The following TLE3 variants were observed in gnomAD, a reference collection of about 807,000 sequenced individuals.
The protein encoded by TLE3 is transducin-like enhancer protein 3.
TLE3 carries 14 observed loss-of-function variants against 93.0 expected under a neutral mutation model. The ratio of observed to expected loss-of-function variants is 0.15; its 90% confidence interval spans 0.10 to 0.24. TLE3 has a LOEUF of 0.24. Among genes scored for constraint, TLE3 ranks in the 10% least tolerant of loss-of-function variants. The pLI is 1.00. For missense variants in TLE3, 693 were observed against 1,046.6 expected (o/e 0.66, Z 4.66); for synonymous variants, 451 against 425.0 (o/e 1.06, Z -0.75).
chr15:70,062,495 C>G (rs561294270), intron 8 of TLE3, among the ~76,000 whole-genome samples: 1 of 152,188 alleles, frequency 6.6e-6, no homozygotes, highest in Non-Finnish European at 1.5e-5. Flanking sequence ...TCGCCGCTAC[C>G]GGAGAGTCAT....
At position 70,049,865 on chromosome 15, in the gene TLE3, G is replaced by C. The variant is rs527888346; in HGVS notation, c.*232C>G. ...TTGTAGCAACTGCCAGCATTGTTCA[G>C]GGGGAGGAGGAGGAGCAGAACCCTT... On this transcript the variant is annotated 3_prime_UTR_variant, in exon 20 of 20. Coordinates refer to ENST00000451782, the MANE Select transcript of TLE3 (RefSeq NM_001105192.3). The C allele has an allele frequency of 1.1e-3, 525 of 476,278 alleles. 3 individuals are homozygous for C. The highest frequency in any genetic ancestry group is 1.2e-3 in the Non-Finnish European group (314 of 261,208). The allele number at this position is 476,278 out of a possible 1,614,324, so 29.5% of individuals were successfully genotyped here.
At chr15:70,060,297 C>T (rs1044069116) in intron 9 of TLE3, among the ~76,000 whole-genome samples, 1 of 152,140 alleles carries the variant, frequency 6.6e-6, no homozygotes, top group Admixed American at 6.5e-5. Context: ...GAGGCTAGGA[C>T]GACCTCCCCA....
chr15:70,061,108 G>A (rs2056445024), intron 8 of TLE3, among the ~76,000 whole-genome samples: 1 of 152,148 alleles, frequency 6.6e-6, no homozygotes, highest in African/African-American at 2.4e-5. Context: ...TTCATTTGCT[G>A]AGCCCGACAG....
intron 8 of TLE3, 104 bp downstream of exon 8, chr15:70,064,350 G>T: frequency 7.1e-7 from 1 of 1,414,758 alleles, no homozygotes; most frequent in East Asian, 2.4e-5. Flanking sequence ...AGCCAGCTTT[G>T]GATACCGACT....
At chr15:70,087,901 G>A (rs962757468) in intron 4 of TLE3, among the ~76,000 whole-genome samples, 2 of 152,176 alleles carry the variant, frequency 1.3e-5, no homozygotes, top group African/African-American at 2.4e-5. Context: ...TGGACTAGCC[G>A]GGCCCCCTGG....
chr15:70,067,105 T>C (rs145963897), intron 6 of TLE3, among the ~76,000 whole-genome samples: 1 of 152,270 alleles, frequency 6.6e-6, no homozygotes, highest in African/African-American at 2.4e-5. Context: ...CAAGTCAGTA[T>C]TATCAACAAC....
rs2058549541 is a variant in TLE3 at position 70,096,152 on chromosome 15, C to G, written c.125+9G>C. 2 of 1,549,212 alleles carry G rather than the reference C, an allele frequency of 1.3e-6. No individual in the cohort carries two copies. Among genetic ancestry groups the G allele is most frequent in the South Asian group, 2.4e-5 (2 of 84,116 alleles). On this transcript the variant is annotated intron_variant, in intron 2 of 19. Coordinates refer to ENST00000451782, the MANE Select transcript of TLE3 (RefSeq NM_001105192.3). ...CCGCCAGCCCCGGGGCGGCCCCCAC[C>G]GGCCTTACCTGTGATACTGAGCTTG...
In TLE3 at chr15:70,053,212, T is replaced by C. The variant is rs1387181365; in HGVS notation, c.1974+15A>G. The C allele has an allele frequency of 1.9e-6, 3 of 1,603,798 alleles. No homozygotes were observed. The highest frequency in any genetic ancestry group is 2.6e-6 in the Non-Finnish European group (3 of 1,175,312). ...ACACTGCTCTTTGGGAAGGGAGGAG[T>C]CTTGGGCCGCACACCTGGGAAGTGA... On this transcript the variant is annotated intron_variant, in intron 17 of 19. Transcript: ENST00000451782.
intron 4 of TLE3, among the ~76,000 whole-genome samples, 197 bp downstream of exon 4, chr15:70,094,335 A>G (rs594848): frequency 7.2e-5 from 11 of 151,850 alleles, no homozygotes; most frequent in African/African-American, 2.7e-4. Flanking sequence ...CTCAAATGCT[A>G]AAAGCTCAAC....
In TLE3 at chr15:70,049,027, T is replaced by A. The variant is rs976352607; in HGVS notation, c.*1070A>T. On this transcript the variant is annotated 3_prime_UTR_variant, in exon 20 of 20. Transcript: ENST00000451782. ...TAAAAAAAAAAAAAAAGCACCCACA[T>A]CAGTTGCTATTTTTCTCTGGTAGCT... The A allele has an allele frequency of 6.6e-6, 1 of 150,784 alleles. No homozygotes were observed. The highest frequency in any genetic ancestry group is 2.4e-5 in the African/African-American group (1 of 41,056). The allele number at this position is 150,784 out of a possible 1,614,324, so 9.3% of individuals were successfully genotyped here. A position where few individuals can be genotyped will look rare whatever the true frequency, so the allele number is the denominator to read the frequency against.
At chr15:70,084,356 A>T (rs2057941793) in intron 4 of TLE3, among the ~76,000 whole-genome samples, 1 of 152,390 alleles carries the variant, frequency 6.6e-6, no homozygotes, top group African/African-American at 2.4e-5. Context: ...AAATGCTGTT[A>T]AACATCCTAA....
In TLE3 at chr15:70,051,487, G is replaced by A. The variant is rs555684786; in HGVS notation, c.2126-20C>T. On this transcript the variant is annotated intron_variant, in intron 18 of 19. Transcript: ENST00000451782. ...ACTTGCCTGCAGGTGGGAGGCAAAGGCATGATCAGGTTGTAGCTCACTGCC... is the reference window on the plus strand; with the variant it reads ...ACTTGCCTGCAGGTGGGAGGCAAAGACATGATCAGGTTGTAGCTCACTGCC... The A allele has an allele frequency of 7.5e-5, 120 of 1,595,082 alleles. No individual in the cohort carries two copies. The highest frequency in any genetic ancestry group is 1.0e-4 in the Admixed American group (6 of 57,146).
At position 70,097,453 on chromosome 15, in the gene TLE3, TGCCGCCGCC is replaced by T. The variant is rs907501738; in HGVS notation, c.-664_-656del. On this transcript the variant is annotated 5_prime_UTR_variant, in exon 1 of 20. Transcript: ENST00000451782. The stretch of plus-strand genomic sequence containing the variant: ...CTGCTGTTCCGTCTGCTACTGCCGC[TGCCGCCGCC>T]GCCGCCGCCGCTGCAAGCCCTTCCC... The T allele has an allele frequency of 1.2e-4, 52 of 416,578 alleles. No individual in the cohort carries two copies. The highest frequency in any genetic ancestry group is 8.4e-4 in the African/African-American group (41 of 48,778). 25.8% of individuals were successfully genotyped at this position (416,578 alleles called of 1,614,324 possible).
rs942493237 is a variant in TLE3, at chr15:70,097,303, G to C, written c.-505C>G. On this transcript the variant is annotated 5_prime_UTR_variant, in exon 1 of 20. Coordinates refer to ENST00000451782, the MANE Select transcript of TLE3 (RefSeq NM_001105192.3). ...CCGATCCTAGAGGCGTCCGGGCCTG[G>C]GGCTCGCGGCGAGAAGAGGAAGGAG... 12 of 401,132 alleles carry C rather than the reference G, an allele frequency of 3.0e-5. No individual in the cohort carries two copies. Among genetic ancestry groups the C allele is most frequent in the African/African-American group, 2.5e-4 (12 of 48,466 alleles). 24.8% of individuals were successfully genotyped at this position (401,132 alleles called of 1,614,324 possible).
chr15:70,095,754 G>A (rs1216702785), intron 2 of TLE3, 113 bp from the exon 3 acceptor site: 1 of 1,326,222 alleles, frequency 7.5e-7, no homozygotes, highest in African/African-American at 1.5e-5. Context: ...CCCCCCGGGG[G>A]CGCCCCCATT....
In TLE3 at chr15:70,096,868, G is replaced by C. The variant is rs769435883; in HGVS notation, c.-70C>G. ...CCCGGGCCGGGGAGGTGCGGGGGAG[G>C]GGGGAGCCGAGCCCGAGCGGGGGGC... On this transcript the variant is annotated 5_prime_UTR_variant, in exon 1 of 20. Transcript: ENST00000451782. 84 of 1,571,608 alleles carry C rather than the reference G, an allele frequency of 5.3e-5. No homozygotes were observed. The highest frequency in any genetic ancestry group is 1.5e-4 in the South Asian group (13 of 88,432).
chr15:70,065,823 G>A (rs1277312189), intron 7 of TLE3, among the ~76,000 whole-genome samples, 191 bp downstream of exon 7: 1 of 152,228 alleles, frequency 6.6e-6, no homozygotes, highest in African/African-American at 2.4e-5. Flanking sequence ...TCCACACCAA[G>A]GAGTAGGAAA....
Position 70,055,143 on chromosome 15 carries a change from G to T in TLE3, c.1484C>A (p.Thr495Lys). The change falls in exon 15 of 20, where the codon ACG (threonine) becomes AAG (lysine). Residue 495 changes from threonine to lysine, a missense_variant. Around this residue, in one of 4 missense-constraint regions of TLE3, gnomAD observed 153 missense variants for 379.9 expected, o/e 0.40. Transcript: ENST00000451782. ...VVCAVTISNP[T>K]RHVYTGGKGC... ...CTTGCCACCTGTGTAGACGTGCCTC[G>T]TGGGGTTGCTGATGGTCACGGCACA... 2 of 1,614,156 alleles carry T rather than the reference G, an allele frequency of 1.2e-6. No homozygotes were observed. Among genetic ancestry groups the T allele is most frequent in the Non-Finnish European group, 8.5e-7 (1 of 1,180,010 alleles).
rs146390850 is a variant in TLE3, at chr15:70,055,337, C to T, written c.1329-39G>A. ...AAACCGTCACTGCTGCCATCCACCC[C>T]GGCCCCTCAGAGTTCCCATAGGCCT... is the stretch of plus-strand genomic sequence containing the variant. On this transcript the variant is annotated intron_variant, in intron 14 of 19. Coordinates refer to ENST00000451782, the MANE Select transcript of TLE3 (RefSeq NM_001105192.3). 8.8e-4 allele frequency: 1,358 copies of T among 1,536,802 alleles called. 3 individuals carry two copies. The African/African-American group carries it at 0.014, about 16-fold the overall frequency.
Sources: gnomAD v4.1 joint callset for allele counts (sites outside exome capture counted in the v4.1 genomes callset) on GRCh38, gnomAD v4.1.1 for gene constraint, gnomAD v4.1.1 regional missense constraint, MANE v1.5 for transcripts, NCBI Gene and HGNC (gene_info 2026-07-23, HGNC 2026-07-21) for gene names.